Variants in KAZN observed in about 807,000 individuals in gnomAD.
KAZN encodes the protein kazrin, periplakin interacting protein, also known as kazrin.
In KAZN, 40 loss-of-function variants were observed where a neutral mutation model predicts 87.4. The observed-to-expected ratio is 0.46, with a 90% CI of 0.36 to 0.60. KAZN has a LOEUF of 0.60. KAZN is among the 20% of genes least tolerant of loss of function. KAZN has a pLI of 0.00. For missense variants in KAZN, 898 were observed against 1,073.9 expected (o/e 0.84, Z 2.29); for synonymous variants, 466 against 458.3 (o/e 1.02, Z -0.22).
At chr1:14,753,551 A>AC (rs1256823548) in intron 1 of KAZN, among the ~76,000 whole-genome samples, 1 of 152,044 alleles carries the variant, frequency 6.6e-6, no homozygotes, top group East Asian at 1.9e-4. Context: ...ACATAGTGAG[A>AC]CCCCACCTCT....
At chr1:14,580,424 G>A (rs774320738) in intron 2 of KAZN, among the ~76,000 whole-genome samples, 9 of 152,202 alleles carry the variant, frequency 5.9e-5, no homozygotes, top group Admixed American at 5.2e-4. Flanking sequence ...GCGGTGAGCC[G>A]AGATCGTGCC....
intron 1 of KAZN, among the ~76,000 whole-genome samples, chr1:13,983,665 C>G (rs539489943): frequency 5.3e-5 from 8 of 152,224 alleles, no homozygotes; most frequent in South Asian, 2.1e-4. Context: ...TGGGAGCCTA[C>G]GCAGAGGAGG....
intron 1 of KAZN, among the ~76,000 whole-genome samples, chr1:14,086,639 G>T (rs1000581630): frequency 3.3e-5 from 5 of 152,054 alleles, no homozygotes; most frequent in Non-Finnish European, 7.4e-5. Context: ...AGTAGACTTT[G>T]CTGTACTCAA....
chr1:14,679,832 G>A (rs1195091457), intron 1 of KAZN, among the ~76,000 whole-genome samples: 1 of 152,064 alleles, frequency 6.6e-6, no homozygotes, highest in South Asian at 2.1e-4. Context: ...CCACTGGGGC[G>A]CCTCAGAATC....
intron 1 of KAZN, among the ~76,000 whole-genome samples, chr1:14,906,675 G>T (rs1656615495): frequency 1.3e-5 from 2 of 151,260 alleles, no homozygotes; most frequent in African/African-American, 4.9e-5. Context: ...TTAGTTTCAG[G>T]ATTAAAAAAT....
At chr1:14,970,843 T>A (rs1327488457) in intron 2 of KAZN, among the ~76,000 whole-genome samples, 1 of 152,218 alleles carries the variant, frequency 6.6e-6, no homozygotes, top group Non-Finnish European at 1.5e-5. Context: ...TTGGAAACAT[T>A]TACCAGAGCT....
rs996599732 is a variant in KAZN, at chr1:14,072,219, G to A, written c.92-108216G>A. Among the ~76,000 whole-genome samples, 3 of 152,286 alleles carry A rather than the reference G, an allele frequency of 2.0e-5. No individual in the cohort carries two copies. The East Asian group carries it at 5.8e-4, about 29-fold the overall frequency. On this transcript the variant is annotated intron_variant, in intron 1 of 16. Transcript: ENST00000636203. Reference sequence around the variant, plus strand: ...TGTCTTTTTGCACAGGGCCTAGTGCGATGAGTGCTCAGTTCATGTGATCTT... The same window carrying A: ...TGTCTTTTTGCACAGGGCCTAGTGCAATGAGTGCTCAGTTCATGTGATCTT...
chr1:14,948,958 A>G (rs1662145891), intron 1 of KAZN, among the ~76,000 whole-genome samples: 1 of 152,048 alleles, frequency 6.6e-6, no homozygotes, highest in African/African-American at 2.4e-5. Flanking sequence ...TGAGTTTGAG[A>G]CCAGCCTGGC....
At chr1:14,877,642 A>T (rs904676517) in intron 1 of KAZN, among the ~76,000 whole-genome samples, 5 of 152,182 alleles carry the variant, frequency 3.3e-5, no homozygotes, top group Non-Finnish European at 7.3e-5. Flanking sequence ...TAGTTTGGTC[A>T]CCTAGGACAA....
chr1:14,381,370 CAA>C (rs56935595), intron 2 of KAZN, among the ~76,000 whole-genome samples: 2 of 142,070 alleles, frequency 1.4e-5, no homozygotes, highest in East Asian at 2.0e-4. Context: ...ACCGGACAAT[CAA>C]AAAAAAAAAA....
In KAZN at chr1:14,774,143, TTC is replaced by T. The variant is rs535192693; in HGVS notation, c.226+174927_226+174928del. Among the ~76,000 whole-genome samples the T allele has an allele frequency of 3.0e-3, 460 of 152,328 alleles. 2 individuals carry two copies. Among genetic ancestry groups the T allele is most frequent in the Non-Finnish European group, 5.7e-3 (385 of 68,036 alleles). On this transcript the variant is annotated intron_variant, in intron 1 of 14. Coordinates refer to ENST00000376030, the MANE Select transcript of KAZN (RefSeq NM_201628.3). Reference sequence around the variant, plus strand: ...CCCTAAGCCTCGACTTCTCTTTCTCTTCTCTCTCACCCCTGTGTCCCCAAGAG... The same window carrying T: ...CCCTAAGCCTCGACTTCTCTTTCTCTTCTCTCACCCCTGTGTCCCCAAGAG...
chr1:13,945,710 T>TGTGAGAGA lies in KAZN; in HGVS notation c.91+51955_91+51956insTGAGAGAG, dbSNP rs757118365. 3.4e-4 allele frequency among the ~76,000 whole-genome samples: 47 copies of TGTGAGAGA among 137,268 alleles called. No individual in the cohort carries two copies. The East Asian group carries it at 6.0e-3, about 17-fold the overall frequency. The allele number at this position is 137,268 out of a possible 152,430, so 90.1% of individuals were successfully genotyped here. On this transcript the variant is annotated intron_variant, in intron 1 of 16. Transcript: ENST00000636203. ...GTGTGTGTGTGTGTGTGTGTGTGTG[T>TGTGAGAGA]GAGAGAGAGAGAGAGAGAGAGAGAG... is the stretch of plus-strand genomic sequence containing the variant.
rs938399937 is a variant in KAZN at position 15,066,667 on chromosome 1, T to C, written c.1222+914T>C. 1.7e-5 allele frequency: 17 copies of C among 976,904 alleles called. No individual in the cohort carries two copies. The highest frequency in any genetic ancestry group is 7.0e-5 in the African/African-American group (4 of 57,026). 60.5% of individuals were successfully genotyped at this position (976,904 alleles called of 1,614,324 possible). A position where few individuals can be genotyped will look rare whatever the true frequency, so the allele number is the denominator to read the frequency against. On this transcript the variant is annotated intron_variant, in intron 8 of 14. Coordinates refer to ENST00000376030, the MANE Select transcript of KAZN (RefSeq NM_201628.3). This position sits in a 1 kb window ranked among gnomAD's most constrained non-coding sequence, Gnocchi z 4.3. ...AAATATTGGAATGTCTATTTTTCCA[T>C]GGGGTGGGCGGGAGGTGGGTGTCTC... is the stretch of plus-strand genomic sequence containing the variant.
intron 2 of KAZN, among the ~76,000 whole-genome samples, chr1:14,488,988 T>G (rs1434099158): frequency 6.6e-6 from 1 of 152,222 alleles, no homozygotes; most frequent in East Asian, 1.9e-4. Flanking sequence ...AGTAAATGTT[T>G]ATGGCGATTA....
chr1:15,083,496 G>A (rs1247614550), intron 8 of KAZN, among the ~76,000 whole-genome samples: 1 of 152,194 alleles, frequency 6.6e-6, no homozygotes, highest in Non-Finnish European at 1.5e-5. Flanking sequence ...GTAAGCATTA[G>A]GCATGAGTGT....
intron 1 of KAZN, among the ~76,000 whole-genome samples, chr1:13,942,611 A>G (rs1444580268): frequency 6.6e-6 from 1 of 151,722 alleles, no homozygotes; most frequent in Non-Finnish European, 1.5e-5. Flanking sequence ...AATTCTCTTT[A>G]TAATTGTTCA....
In KAZN at chr1:14,904,565, C is replaced by G. The variant is rs1656295259; in HGVS notation, c.227-56119C>G. Among the ~76,000 whole-genome samples the G allele has an allele frequency of 2.0e-5, 3 of 152,306 alleles. No individual in the cohort carries two copies. In the South Asian group the frequency reaches 6.2e-4, roughly 32 times the overall value. ...TGCAGATGTCTGCACGCACTCCAGG[C>G]AGCAGCACAGACAGGCCCGTGCGCC... On this transcript the variant is annotated intron_variant, in intron 1 of 14. Coordinates refer to ENST00000376030, the MANE Select transcript of KAZN (RefSeq NM_201628.3).
chr1:15,004,819 A>G (rs188044208), intron 2 of KAZN, among the ~76,000 whole-genome samples: 2,074 of 146,198 alleles, frequency 0.014, 31 homozygotes, highest in Non-Finnish European at 0.02. Flanking sequence ...ATCATGCCTC[A>G]GTTCCTAATC....
chr1:14,156,895 G>C (rs1007801968), intron 1 of KAZN, among the ~76,000 whole-genome samples: 19 of 140,428 alleles, frequency 1.4e-4, no homozygotes, highest in Admixed American at 1.1e-3. Context: ...TTTTCTGGTT[G>C]TTTTGTGGTC....
Sources: allele counts gnomAD v4.1 joint callset (sites outside exome capture counted in the v4.1 genomes callset), GRCh38; gene constraint gnomAD v4.1.1; non-coding constraint Gnocchi (gnomAD v3.1); transcripts MANE v1.5; gene names NCBI Gene and HGNC (gene_info 2026-07-23, HGNC 2026-07-21).